The following CDS1 variants were observed in gnomAD, a reference collection of about 807,000 sequenced individuals.
CDS1 encodes phosphatidate cytidylyltransferase 1.
CDS1 carries 41 observed loss-of-function variants against 62.1 expected under a neutral mutation model. The ratio of observed to expected loss-of-function variants is 0.66; its 90% CI spans 0.51 to 0.86. The LOEUF is 0.86. CDS1 is among the 40% of genes least tolerant of loss of function. CDS1 has a pLI of 0.00. For missense variants in CDS1, 470 were observed against 550.1 expected (o/e 0.85, Z 1.46); for synonymous variants, 185 against 192.6 (o/e 0.96, Z 0.32).
chr4:84,613,508 G>T (rs1294225634), intron 3 of CDS1, among the ~76,000 whole-genome samples: 1 of 152,142 alleles, frequency 6.6e-6, no homozygotes, highest in African/African-American at 2.4e-5. Flanking sequence ...TACTCAGGTG[G>T]CTGAGGCAAG....
chr4:84,604,377 T>C lies in CDS1; in HGVS notation c.245+7T>C, dbSNP rs774008410. ...TATCTGGTTTATCTTCAAGGTATGATTGGATGAAGATGAGTATATCTTAGT... is the reference window on the plus strand; with the variant it reads ...TATCTGGTTTATCTTCAAGGTATGACTGGATGAAGATGAGTATATCTTAGT... On this transcript the variant is annotated splice_region_variant and intron_variant, in intron 2 of 12. Transcript: ENST00000295887. 1.9e-6 allele frequency: 3 copies of C among 1,611,886 alleles called. No homozygotes were observed. In the South Asian group the frequency reaches 3.3e-5, roughly 18 times the overall value.
At chr4:84,647,381 G>A (rs910307593) in intron 12 of CDS1, among the ~76,000 whole-genome samples, 5 of 152,006 alleles carry the variant, frequency 3.3e-5, no homozygotes, top group Non-Finnish European at 5.9e-5. Flanking sequence ...AAAAAAAAAT[G>A]CTGTCCTCTC....
intron 2 of CDS1, among the ~76,000 whole-genome samples, chr4:84,609,180 CAAAAA>C (rs1230335142): frequency 9.8e-5 from 9 of 91,470 alleles, no homozygotes; most frequent in Admixed American, 2.1e-4. Context: ...GACTCCGTCT[CAAAAA>C]AAAAAAAAAA....
At chr4:84,642,975 C>A in intron 10 of CDS1, 49 bp from the exon 11 acceptor site, 21 of 1,557,936 alleles carry the variant, frequency 1.3e-5, no homozygotes, top group Non-Finnish European at 1.8e-5. Flanking sequence ...TGCTCAAATA[C>A]AATTTCAGTG....
At chr4:84,585,382 AT>A (rs1252403759) in intron 1 of CDS1, among the ~76,000 whole-genome samples, 2 of 152,228 alleles carry the variant, frequency 1.3e-5, no homozygotes, top group Non-Finnish European at 2.9e-5. Flanking sequence ...TTTAGAGTTT[AT>A]CATGAGGAAC....
intron 1 of CDS1, among the ~76,000 whole-genome samples, chr4:84,587,490 C>G (rs950607196): frequency 1.3e-5 from 2 of 151,998 alleles, no homozygotes; most frequent in Admixed American, 1.3e-4. Flanking sequence ...GCCAGAGGTC[C>G]AGGATGTAGG....
intron 4 of CDS1, 96 bp from the exon 5 acceptor site, chr4:84,619,298 G>T: frequency 1.7e-6 from 1 of 584,938 alleles, no homozygotes. Flanking sequence ...ACTTTGTTTT[G>T]ATCTTTGTGT....
intron 5 of CDS1, among the ~76,000 whole-genome samples, chr4:84,620,274 G>A (rs1001611033): frequency 7.1e-6 from 1 of 141,030 alleles, no homozygotes; most frequent in African/African-American, 2.8e-5. Context: ...CCAGGGTGGA[G>A]TGCAGTGGTG....
At chr4:84,587,206 ATATTTG>A (rs1722446093) in intron 1 of CDS1, among the ~76,000 whole-genome samples, 1 of 152,244 alleles carries the variant, frequency 6.6e-6, no homozygotes, top group Admixed American at 6.5e-5. Context: ...CAATTCATAT[ATATTTG>A]TATTTGTATA....
At chr4:84,631,560 T>C (rs115668740) in intron 5 of CDS1, among the ~76,000 whole-genome samples, 233 of 152,334 alleles carry the variant, frequency 1.5e-3, no homozygotes, top group African/African-American at 5.4e-3. Flanking sequence ...AGCAGGGGAC[T>C]AATTAATTGA....
At chr4:84,614,327 C>T (rs1485814714) in intron 3 of CDS1, among the ~76,000 whole-genome samples, 1 of 152,090 alleles carries the variant, frequency 6.6e-6, no homozygotes, top group African/African-American at 2.4e-5. Flanking sequence ...ACTAGATTGT[C>T]TGCTTGATGG....
In CDS1 at chr4:84,625,549, TTCC is replaced by T. The variant is rs1470443582; in HGVS notation, c.580+6017_580+6019del. ...AGGTATCGTATAGTAGAAAAGTCCA[TTCC>T]AGGCGGAGGAACAGCTGTGCAGGCA... On this transcript the variant is annotated intron_variant, in intron 5 of 12. Coordinates refer to ENST00000295887, the MANE Select transcript of CDS1 (RefSeq NM_001263.4). 7.9e-5 allele frequency among the ~76,000 whole-genome samples: 12 copies of T among 152,028 alleles called. 1 individual carries two copies. Among genetic ancestry groups the T allele is most frequent in the Admixed American group, 7.2e-4 (11 of 15,254 alleles).
intron 1 of CDS1, among the ~76,000 whole-genome samples, chr4:84,602,698 G>GA (rs1339272179): frequency 2.2e-4 from 33 of 148,474 alleles, no homozygotes; most frequent in Non-Finnish European, 2.8e-4. Context: ...GCAGGGAAAA[G>GA]AAAAAAAAAA....
chr4:84,590,441 G>C (rs1309757067), intron 1 of CDS1, among the ~76,000 whole-genome samples: 1 of 152,168 alleles, frequency 6.6e-6, no homozygotes, highest in Non-Finnish European at 1.5e-5. Flanking sequence ...ATATCTGAGG[G>C]TTACCATGTG....
intron 5 of CDS1, among the ~76,000 whole-genome samples, chr4:84,620,832 G>GCA (rs988537956): frequency 7.2e-5 from 11 of 152,084 alleles, no homozygotes; most frequent in Admixed American, 4.6e-4. Context: ...AGGCCAAGGT[G>GCA]CACGGATCAC....
Position 84,643,007 on chromosome 4 carries a change from TTCTTTC to T in CDS1, c.1033-14_1033-9del. ...AGTGAAATTAGCCCCTCTCCTCCCC[TTCTTTC>T]TCCTCTTTAGGAAAGAGTGAGCTTG... On this transcript the variant is annotated splice_polypyrimidine_tract_variant and intron_variant, in intron 10 of 12. Transcript: ENST00000295887. 6.3e-7 allele frequency: 1 copy of T among 1,575,108 alleles called. No individual in the cohort carries two copies. The highest frequency in any genetic ancestry group is 8.7e-7 in the Non-Finnish European group (1 of 1,154,938).
Position 84,583,376 on chromosome 4 carries a change from C to T in CDS1, c.-26C>T, listed in dbSNP as rs574530046. Reference sequence around the variant, plus strand: ...TCAGGTTTCGGGGTGCTTGAGGAGGCCGCCACGGCAGCGCGGGAGCGGAAG... The same window carrying T: ...TCAGGTTTCGGGGTGCTTGAGGAGGTCGCCACGGCAGCGCGGGAGCGGAAG... On this transcript the variant is annotated 5_prime_UTR_variant, in exon 1 of 13. Transcript: ENST00000295887. The T allele has an allele frequency of 4.4e-5, 67 of 1,539,176 alleles. No homozygotes were observed. Among genetic ancestry groups the T allele is most frequent in the Non-Finnish European group, 5.5e-5 (61 of 1,118,500 alleles).
chr4:84,606,155 A>G (rs1276192668), intron 2 of CDS1, among the ~76,000 whole-genome samples: 2 of 152,056 alleles, frequency 1.3e-5, no homozygotes, highest in Non-Finnish European at 2.9e-5. Context: ...TCTTGCAAAG[A>G]CTTAGAATTT....
chr4:84,590,386 C>A (rs1422977369), intron 1 of CDS1, among the ~76,000 whole-genome samples: 1 of 152,100 alleles, frequency 6.6e-6, no homozygotes, highest in African/African-American at 2.4e-5. Flanking sequence ...TAATAGTAAG[C>A]TATGTGCGGG....
Sources: allele counts gnomAD v4.1 joint callset (sites outside exome capture counted in the v4.1 genomes callset), GRCh38; gene constraint gnomAD v4.1.1; transcripts MANE v1.5; gene names NCBI Gene and HGNC (gene_info 2026-07-23, HGNC 2026-07-21).